The following CDYL2 variants were observed in gnomAD, a reference collection of about 807,000 sequenced individuals.
CDYL2 encodes the protein chromodomain Y-like protein 2.
A neutral mutation model predicts 49.4 loss-of-function variants in CDYL2; 23 were observed. The observed-to-expected ratio is 0.47, with a 90% CI of 0.34 to 0.66. CDYL2 has a LOEUF of 0.66. Among genes scored for constraint, CDYL2 ranks in the 30% least tolerant of loss-of-function variants. The probability of loss-of-function intolerance (pLI) is 0.01; values close to 1 mark genes in which losing one functional copy is unlikely to be tolerated. For missense variants in CDYL2, 678 were observed against 656.4 expected, an observed-to-expected ratio of 1.03 and a Z score of -0.36; for synonymous variants, 360 against 268.8, an observed-to-expected ratio of 1.34 and a Z score of -3.32.
intron 2 of CDYL2, among the ~76,000 whole-genome samples, chr16:80,642,470 T>C (rs1373381365): frequency 1.3e-5 from 2 of 152,164 alleles, no homozygotes; most frequent in Non-Finnish European, 2.9e-5. Flanking sequence ...ATTAGTTTGT[T>C]ATTGTTTGTT....
chr16:80,729,260 A>G (rs1905254061), intron 1 of CDYL2, among the ~76,000 whole-genome samples: 2 of 152,036 alleles, frequency 1.3e-5, no homozygotes, highest in African/African-American at 4.8e-5. Flanking sequence ...AGGAAGATCT[A>G]CCAAGCAAAT....
At chr16:80,671,035 C>T (rs1909481324) in intron 2 of CDYL2, 2 of 455,520 alleles carry the variant, frequency 4.4e-6, no homozygotes, top group Admixed American at 4.7e-5. Flanking sequence ...TTGTGACTTT[C>T]CTCTATGGCA....
intron 2 of CDYL2, among the ~76,000 whole-genome samples, chr16:80,644,430 A>G (rs1240186857): frequency 6.6e-6 from 1 of 152,106 alleles, no homozygotes; most frequent in Non-Finnish European, 1.5e-5. Flanking sequence ...TCACTTCCAC[A>G]TTTTTGGGTA....
chr16:80,617,687 G>A (rs113106083), intron 4 of CDYL2, among the ~76,000 whole-genome samples: 18 of 152,254 alleles, frequency 1.2e-4, no homozygotes, highest in African/African-American at 4.3e-4. Flanking sequence ...GTCTCTACAC[G>A]CCGCATCTTC....
intron 1 of CDYL2, among the ~76,000 whole-genome samples, chr16:80,802,044 C>A (rs1307262895): frequency 3.3e-5 from 5 of 151,238 alleles, no homozygotes; most frequent in African/African-American, 1.2e-4. Flanking sequence ...TCCTCCTTAA[C>A]TGAAATTCTA....
chr16:80,620,613 G>A, intron 4 of CDYL2, 150 bp downstream of exon 4: 1 of 593,366 alleles, frequency 1.7e-6, no homozygotes, highest in Non-Finnish European at 2.5e-6. Flanking sequence ...TTTTAAAAAT[G>A]TAAGCAGACC....
At chr16:80,784,677 A>T (rs1304061116) in intron 1 of CDYL2, among the ~76,000 whole-genome samples, 1 of 152,116 alleles carries the variant, frequency 6.6e-6, no homozygotes, top group African/African-American at 2.4e-5. Flanking sequence ...CTCCACAAAC[A>T]CCTCTTATGC....
intron 2 of CDYL2, among the ~76,000 whole-genome samples, chr16:80,636,253 T>C (rs1399309565): frequency 1.3e-5 from 2 of 152,052 alleles, no homozygotes; most frequent in Non-Finnish European, 2.9e-5. Flanking sequence ...AAAGAAACTA[T>C]CACGAGAGTG....
chr16:80,739,825 C>A (rs1905673087), intron 1 of CDYL2, among the ~76,000 whole-genome samples: 1 of 152,226 alleles, frequency 6.6e-6, no homozygotes, highest in Non-Finnish European at 1.5e-5. Flanking sequence ...AGAAGCCTCA[C>A]ACTGGGGACC....
chr16:80,661,560 C>A (rs139244403), intron 2 of CDYL2, among the ~76,000 whole-genome samples: 3 of 152,160 alleles, frequency 2.0e-5, no homozygotes, highest in African/African-American at 7.2e-5. Flanking sequence ...GAAGTGCCAG[C>A]ATGAGGGTCA....
chr16:80,653,894 G>T (rs899755829), intron 2 of CDYL2, among the ~76,000 whole-genome samples: 1 of 152,192 alleles, frequency 6.6e-6, no homozygotes, highest in African/African-American at 2.4e-5. Flanking sequence ...CAGGGTCCAG[G>T]CTTTGAGAGC....
intron 2 of CDYL2, among the ~76,000 whole-genome samples, chr16:80,653,420 G>C (rs1052913479): frequency 4.6e-5 from 7 of 152,044 alleles, no homozygotes; most frequent in African/African-American, 1.7e-4. Flanking sequence ...AGCCGAGATC[G>C]CACCATTGCA....
At chr16:80,792,072 C>A (rs1907627907) in intron 1 of CDYL2, among the ~76,000 whole-genome samples, 1 of 152,168 alleles carries the variant, frequency 6.6e-6, no homozygotes, top group Admixed American at 6.5e-5. Context: ...TGCACTTCTA[C>A]CTTGGGAACA....
chr16:80,716,265 A>C (rs1904795427), intron 1 of CDYL2, among the ~76,000 whole-genome samples: 1 of 152,244 alleles, frequency 6.6e-6, no homozygotes, highest in Non-Finnish European at 1.5e-5. Flanking sequence ...CTTACATCAT[A>C]ATTATACATC....
At chr16:80,790,849 A>G (rs1907586616) in intron 1 of CDYL2, among the ~76,000 whole-genome samples, 1 of 152,206 alleles carries the variant, frequency 6.6e-6, no homozygotes, top group South Asian at 2.1e-4. Flanking sequence ...TAAATCTTGC[A>G]TAAGAAAGCG....
intron 1 of CDYL2, among the ~76,000 whole-genome samples, chr16:80,793,934 G>A (rs1907686503): frequency 6.6e-6 from 1 of 152,064 alleles, no homozygotes; most frequent in South Asian, 2.1e-4. Context: ...TCTGCATTTG[G>A]TTGTTTGTAA....
chr16:80,732,005 A>T (rs1273592545), intron 1 of CDYL2, among the ~76,000 whole-genome samples: 1 of 152,080 alleles, frequency 6.6e-6, no homozygotes, highest in Non-Finnish European at 1.5e-5. Flanking sequence ...GTCAGCACAG[A>T]TTGAAACAGG....
chr16:80,713,339 T>C (rs532615281), intron 1 of CDYL2, among the ~76,000 whole-genome samples: 1 of 152,302 alleles, frequency 6.6e-6, no homozygotes, highest in East Asian at 1.9e-4. Context: ...TTCAAGAGAC[T>C]CAATCAGATT....
At position 80,678,952 on chromosome 16, in the gene CDYL2, G is replaced by C. The variant is rs1437317102; in HGVS notation, c.616+5586C>G. Among the ~76,000 whole-genome samples the C allele has an allele frequency of 2.6e-5, 4 of 151,104 alleles. No individual in the cohort carries two copies. In the South Asian group the frequency reaches 8.4e-4, roughly 32 times the overall value. ...CAGCCATAAAAAATGATGAGTTCAC[G>C]TCCTTTGTAGGGACATGGATGAAAC... On this transcript the variant is annotated intron_variant, in intron 2 of 6. Transcript: ENST00000570137.
Sources: gnomAD v4.1 joint callset for allele counts (sites outside exome capture counted in the v4.1 genomes callset) on GRCh38, gnomAD v4.1.1 for gene constraint, MANE v1.5 for transcripts, NCBI Gene and HGNC (gene_info 2026-07-23, HGNC 2026-07-21) for gene names.